The following MAPK10 variants were observed in gnomAD, a reference collection of about 807,000 sequenced individuals.
MAPK10 encodes mitogen-activated protein kinase 10, also known as JNK3 alpha protein kinase.
A neutral mutation model predicts 59.3 loss-of-function variants in MAPK10; 25 were observed. The ratio of observed to expected loss-of-function variants is 0.42; its 90% CI spans 0.31 to 0.59. The LOEUF (loss-of-function observed/expected upper bound fraction) is 0.59, where lower values mean the gene tolerates loss of function less well. Among genes scored for constraint, MAPK10 ranks in the 20% least tolerant of loss-of-function variants. MAPK10 has a pLI of 0.15. For synonymous variants in MAPK10, 190 were observed against 200.5 expected, an observed-to-expected ratio of 0.95 and a Z score of 0.44; for missense variants, 351 against 568.9, an observed-to-expected ratio of 0.62 and a Z score of 3.90.
chr4:86,232,976 C>T (rs372979952), intron 2 of MAPK10, among the ~76,000 whole-genome samples: 2 of 152,086 alleles, frequency 1.3e-5, no homozygotes, highest in Admixed American at 6.6e-5. Flanking sequence ...GTGGAAGGGG[C>T]GACTGCTTGT....
chr4:86,114,437 T>C (rs1561875172), intron 4 of MAPK10, among the ~76,000 whole-genome samples: 1 of 152,202 alleles, frequency 6.6e-6, no homozygotes, highest in East Asian at 1.9e-4. Flanking sequence ...CCAACTTCCA[T>C]AGGGCTGCTG....
intron 9 of MAPK10, 171 bp downstream of exon 9, chr4:86,098,353 G>A (rs1213041690): frequency 5.4e-6 from 4 of 742,482 alleles, no homozygotes; most frequent in Non-Finnish European, 7.7e-6. Context: ...AATCATTGTG[G>A]TAGGCAGTCT....
intron 9 of MAPK10, among the ~76,000 whole-genome samples, chr4:86,087,641 T>C (rs904913694): frequency 7.2e-5 from 11 of 152,282 alleles, no homozygotes; most frequent in African/African-American, 2.6e-4. Context: ...AAAAAGTTTT[T>C]AGTAAGAATA....
rs148829391 is a variant in MAPK10 at position 86,545,971 on chromosome 4, C to T, written c.-263+47939G>A. ...CTCCTTGTTCAAAAATTACTAAGGG[C>T]CAGGTGCGGTGGCTCACGCCTGTAA... On this transcript the variant is annotated intron_variant, in intron 1 of 4. Transcript: ENST00000502302. Among the ~76,000 whole-genome samples the T allele has an allele frequency of 1.5e-3, 224 of 152,318 alleles. 2 individuals carry two copies. Among genetic ancestry groups the T allele is most frequent in the African/African-American group, 5.1e-3 (210 of 41,568 alleles).
intron 1 of MAPK10, among the ~76,000 whole-genome samples, chr4:86,540,000 A>G (rs1758549651): frequency 6.6e-6 from 1 of 152,206 alleles, no homozygotes; most frequent in Non-Finnish European, 1.5e-5. Context: ...TTGAATGTGG[A>G]GCTGTCATTG....
chr4:86,101,428 T>G, intron 7 of MAPK10: 1 of 495,332 alleles, frequency 2.0e-6, no homozygotes. Context: ...TGTATTATCA[T>G]TTTCACAATT....
At chr4:86,305,820 CAAA>C (rs34255377) in intron 2 of MAPK10, among the ~76,000 whole-genome samples, 8 of 112,002 alleles carry the variant, frequency 7.1e-5, no homozygotes, top group East Asian at 2.7e-4. Context: ...ACTCCATCTC[CAAA>C]AAAAAAAAAA....
chr4:86,179,977 A>AC (rs112025154), intron 3 of MAPK10, among the ~76,000 whole-genome samples: 1 of 151,928 alleles, frequency 6.6e-6, no homozygotes, highest in Non-Finnish European at 1.5e-5. Context: ...ACAAAACAAA[A>AC]AAAAATGGAT....
At chr4:86,566,618 G>A (rs1283313326) in intron 1 of MAPK10, among the ~76,000 whole-genome samples, 1 of 151,960 alleles carries the variant, frequency 6.6e-6, no homozygotes, top group African/African-American at 2.4e-5. Flanking sequence ...GGGAGGCTGG[G>A]GCAGTAGAAT....
intron 1 of MAPK10, among the ~76,000 whole-genome samples, chr4:86,548,546 T>G (rs1759470282): frequency 6.6e-6 from 1 of 152,146 alleles, no homozygotes; most frequent in African/African-American, 2.4e-5. Context: ...GGTGACTGGA[T>G]CATTGGGTTG....
chr4:86,125,273 C>T (rs1316668529), intron 4 of MAPK10: 2 of 151,468 alleles, frequency 1.3e-5, no homozygotes, highest in Non-Finnish European at 2.9e-5. Flanking sequence ...AAGCTGACTT[C>T]AGAAAAATAT....
intron 4 of MAPK10, among the ~76,000 whole-genome samples, chr4:86,109,472 G>C (rs1347044465): frequency 6.6e-6 from 1 of 152,114 alleles, no homozygotes; most frequent in Non-Finnish European, 1.5e-5. Context: ...ACTTATAAGT[G>C]AGAACATGCA....
intron 2 of MAPK10, among the ~76,000 whole-genome samples, chr4:86,296,034 G>A (rs1564088221): frequency 6.6e-6 from 1 of 151,392 alleles, no homozygotes; most frequent in African/African-American, 2.4e-5. Flanking sequence ...AAATTAGCCA[G>A]GCTTGGTGGT....
chr4:86,539,287 A>C lies in MAPK10; in HGVS notation c.-263+54623T>G, dbSNP rs892967810. Reference sequence around the variant, plus strand: ...AAAATCTGAAAGAGCAATTTCATCAACATCTTTAAAGCACTGGAACATACT... The same window carrying C: ...AAAATCTGAAAGAGCAATTTCATCACCATCTTTAAAGCACTGGAACATACT... On this transcript the variant is annotated intron_variant, in intron 1 of 4. Transcript: ENST00000502302. 2.6e-5 allele frequency among the ~76,000 whole-genome samples: 4 copies of C among 152,240 alleles called. No individual in the cohort carries two copies. The East Asian group carries it at 7.7e-4, about 29-fold the overall frequency.
intron 11 of MAPK10, among the ~76,000 whole-genome samples, chr4:86,061,111 C>T (rs1214858354): frequency 6.6e-6 from 1 of 152,130 alleles, no homozygotes; most frequent in East Asian, 1.9e-4. Context: ...GAAAGGAGAA[C>T]TTTCTTAGTT....
intron 1 of MAPK10, among the ~76,000 whole-genome samples, chr4:86,368,440 T>C (rs759171693): frequency 6.6e-6 from 1 of 152,234 alleles, no homozygotes; most frequent in Non-Finnish European, 1.5e-5. Flanking sequence ...GACAAATGTA[T>C]AGCATCATGT....
chr4:86,551,465 A>G (rs965356525), intron 1 of MAPK10, among the ~76,000 whole-genome samples: 2 of 152,222 alleles, frequency 1.3e-5, no homozygotes, highest in Admixed American at 6.5e-5. Context: ...ATTAAAGCTG[A>G]TAAAGTATAC....
Position 86,106,644 on chromosome 4 carries a change from G to A in MAPK10, c.366+579C>T, listed in dbSNP as rs894637641. Among the ~76,000 whole-genome samples the A allele has an allele frequency of 1.1e-4, 17 of 151,688 alleles. 1 individual carries two copies. The highest frequency in any genetic ancestry group is 6.2e-4 in the South Asian group (3 of 4,814). On this transcript the variant is annotated intron_variant, in intron 5 of 13. Coordinates refer to ENST00000641462, the MANE Select transcript of MAPK10 (RefSeq NM_138982.4). ...TTACTGGTCTACCCAGCTGAGTTCC[G>A]ATGAGAAAAAGCTCTTGATCCTATT...
chr4:86,233,329 C>T (rs931598318), intron 2 of MAPK10, among the ~76,000 whole-genome samples: 1 of 152,098 alleles, frequency 6.6e-6, no homozygotes, highest in African/African-American at 2.4e-5. Context: ...AATGATGGCT[C>T]TGTGAGGCCT....
Sources: gnomAD v4.1 joint callset for allele counts (sites outside exome capture counted in the v4.1 genomes callset) on GRCh38, gnomAD v4.1.1 for gene constraint, MANE v1.5 for transcripts, NCBI Gene and HGNC (gene_info 2026-07-23, HGNC 2026-07-21) for gene names.